The following MYO6 variants were observed in gnomAD, a reference collection of about 807,000 sequenced individuals.
The protein encoded by MYO6 is myosin VI.
MYO6 carries 74 observed loss-of-function variants against 178.7 expected under a neutral mutation model. That is an observed-to-expected ratio of 0.41 (90% CI 0.34 to 0.50). The LOEUF (loss-of-function observed/expected upper bound fraction) is 0.50. MYO6 is among the 20% of genes least tolerant of loss of function. The pLI is 0.09. For synonymous variants in MYO6, 477 were observed against 504.6 expected (o/e 0.95, Z 0.73); for missense variants, 1,330 against 1,547.4 (o/e 0.86, Z 2.36).
chr6:75,903,516 A>G (rs1779996711), intron 30 of MYO6, among the ~76,000 whole-genome samples: 1 of 151,930 alleles, frequency 6.6e-6, no homozygotes, highest in African/African-American at 2.4e-5. Flanking sequence ...TTGTTGGTTT[A>G]AAGTCTGTTT....
chr6:75,810,082 TCA>T (rs1770543175), intron 1 of MYO6, among the ~76,000 whole-genome samples: 1 of 82,178 alleles, frequency 1.2e-5, no homozygotes, highest in Non-Finnish European at 2.1e-5. Flanking sequence ...AGACTCTGTC[TCA>T]AAAAAAAAAA....
chr6:75,887,649 A>AAG (rs1778553541), intron 25 of MYO6, among the ~76,000 whole-genome samples: 1 of 146,958 alleles, frequency 6.8e-6, no homozygotes, highest in African/African-American at 2.5e-5. Context: ...CAAAAAAAAA[A>AAG]AAAAATGAAA....
At chr6:75,788,539 C>T (rs1308983533) in intron 1 of MYO6, among the ~76,000 whole-genome samples, 4 of 152,138 alleles carry the variant, frequency 2.6e-5, no homozygotes. Flanking sequence ...TACTTATGTT[C>T]TCCCCACTAA....
intron 9 of MYO6, 55 bp downstream of exon 9, chr6:75,841,433 A>G: frequency 1.9e-6 from 3 of 1,542,010 alleles, no homozygotes; most frequent in Non-Finnish European, 2.7e-6. Context: ...TCATGCCTGT[A>G]ATCCCAACAC....
chr6:75,818,740 C>T (rs1258447776), intron 2 of MYO6, among the ~76,000 whole-genome samples: 1 of 152,102 alleles, frequency 6.6e-6, no homozygotes, highest in Admixed American at 6.5e-5. Context: ...GACTGAAATG[C>T]ATAATGTATA....
At chr6:75,890,564 C>T (rs1486025385) in intron 26 of MYO6, among the ~76,000 whole-genome samples, 1 of 152,120 alleles carries the variant, frequency 6.6e-6, no homozygotes, top group African/African-American at 2.4e-5. Flanking sequence ...AGGCTGGTCT[C>T]AAACTCCTGA....
At chr6:75,808,632 G>A (rs1037074069) in intron 1 of MYO6, among the ~76,000 whole-genome samples, 1 of 152,048 alleles carries the variant, frequency 6.6e-6, no homozygotes, top group Non-Finnish European at 1.5e-5. Context: ...AGACAGCTGG[G>A]GATTGTGAAC....
At chr6:75,874,549 C>T (rs1253685281) in intron 20 of MYO6, among the ~76,000 whole-genome samples, 1 of 152,216 alleles carries the variant, frequency 6.6e-6, no homozygotes, top group Non-Finnish European at 1.5e-5. Flanking sequence ...ACTTAACCTT[C>T]CCTCTTGTTG....
chr6:75,887,099 C>T (rs1375981207), intron 25 of MYO6, 105 bp downstream of exon 25: 1 of 1,095,060 alleles, frequency 9.1e-7, no homozygotes, highest in Admixed American at 1.9e-5. Flanking sequence ...TTCAAAATTA[C>T]AAAATGTGTT....
chr6:75,764,593 G>A (rs1778238543), intron 1 of MYO6, among the ~76,000 whole-genome samples: 1 of 152,098 alleles, frequency 6.6e-6, no homozygotes, highest in African/African-American at 2.4e-5. Context: ...TGCCTAGCGA[G>A]GGGCTTTGTA....
chr6:75,901,083 A>G (rs941711954), intron 30 of MYO6, among the ~76,000 whole-genome samples: 34 of 152,228 alleles, frequency 2.2e-4, no homozygotes, highest in African/African-American at 4.1e-4. Context: ...GTTCTGTTGC[A>G]TTGATCTATA....
At chr6:75,809,900 T>TAAAA (rs1178309622) in intron 1 of MYO6, among the ~76,000 whole-genome samples, 1 of 80,274 alleles carries the variant, frequency 1.2e-5, no homozygotes. Flanking sequence ...TTGTCTCTGC[T>TAAAA]AAAAAAAAAA....
chr6:75,859,325 A>T (rs1344302693), intron 14 of MYO6, among the ~76,000 whole-genome samples: 2 of 150,580 alleles, frequency 1.3e-5, no homozygotes, highest in Non-Finnish European at 1.5e-5. Flanking sequence ...TTTGAGATAG[A>T]GTCTCATTCT....
At chr6:75,814,570 A>G (rs1771022865) in intron 1 of MYO6, among the ~76,000 whole-genome samples, 1 of 152,144 alleles carries the variant, frequency 6.6e-6, no homozygotes, top group African/African-American at 2.4e-5. Flanking sequence ...TAGGATTTGA[A>G]GATATTTCAG....
intron 30 of MYO6, among the ~76,000 whole-genome samples, chr6:75,903,492 G>C (rs904975140): frequency 3.3e-5 from 5 of 151,632 alleles, no homozygotes; most frequent in Non-Finnish European, 7.4e-5. Context: ...GGCCTTCTTT[G>C]TCTCTTTTGA....
At chr6:75,768,415 C>A (rs140309150) in intron 1 of MYO6, among the ~76,000 whole-genome samples, 1 of 150,268 alleles carries the variant, frequency 6.7e-6, no homozygotes, top group African/African-American at 2.4e-5. Flanking sequence ...GAGTCTTGCT[C>A]TATCACCCAG....
intron 1 of MYO6, among the ~76,000 whole-genome samples, chr6:75,770,147 A>T (rs949507913): frequency 2.0e-5 from 3 of 152,234 alleles, no homozygotes; most frequent in African/African-American, 2.4e-5. Context: ...CTCACCATGT[A>T]ACACCACCCA....
At chr6:75,753,273 A>G (rs1188364970) in intron 1 of MYO6, among the ~76,000 whole-genome samples, 1 of 151,986 alleles carries the variant, frequency 6.6e-6, no homozygotes, top group African/African-American at 2.4e-5. Flanking sequence ...TCTCAAGGAT[A>G]TTCATATTCA....
intron 1 of MYO6, among the ~76,000 whole-genome samples, chr6:75,809,032 G>C (rs989373709): frequency 1.3e-5 from 2 of 152,214 alleles, no homozygotes; most frequent in Non-Finnish European, 2.9e-5. Flanking sequence ...TATGGCAGAA[G>C]AAGCAATGAG....
Sources: allele counts gnomAD v4.1 joint callset (sites outside exome capture counted in the v4.1 genomes callset), GRCh38; gene constraint gnomAD v4.1.1; transcripts MANE v1.5; gene names NCBI Gene and HGNC (gene_info 2026-07-23, HGNC 2026-07-21).